Variants in SUMF1 observed in about 807,000 individuals in gnomAD.
SUMF1 encodes the protein sulfatase modifying factor 1.
In SUMF1, 48 loss-of-function variants were observed where a neutral mutation model predicts 47.6. The observed-to-expected ratio is 1.01, with a 90% CI of 0.80 to 1.28. The LOEUF (loss-of-function observed/expected upper bound fraction) is 1.28. SUMF1 is among the 50% of genes most tolerant of loss of function. The pLI is 0.00. For synonymous variants in SUMF1, 230 were observed against 192.1 expected, an observed-to-expected ratio of 1.20 and a Z score of -1.63; for missense variants, 571 against 485.4, an observed-to-expected ratio of 1.18 and a Z score of -1.66.
intron 8 of SUMF1, among the ~76,000 whole-genome samples, chr3:4,350,744 G>T (rs554087400): frequency 6.6e-6 from 1 of 151,978 alleles, no homozygotes; most frequent in Non-Finnish European, 1.5e-5. Flanking sequence ...ACCTCTGCAG[G>T]TCACATTCTC....
intron 8 of SUMF1, among the ~76,000 whole-genome samples, chr3:4,363,415 G>C (rs1479563831): frequency 2.0e-5 from 3 of 151,970 alleles, no homozygotes; most frequent in African/African-American, 4.8e-5. Context: ...GTGGTTTGTA[G>C]TTCTCCTTGA....
chr3:4,201,010 G>T (rs947647407), intron 8 of SUMF1, among the ~76,000 whole-genome samples: 1 of 151,768 alleles, frequency 6.6e-6, no homozygotes, highest in Admixed American at 6.6e-5. Context: ...TTTTTTATAG[G>T]TACCTAGTAA....
At chr3:4,346,802 A>AAG (rs1365814623) in intron 8 of SUMF1, among the ~76,000 whole-genome samples, 2 of 151,950 alleles carry the variant, frequency 1.3e-5, no homozygotes, top group South Asian at 4.2e-4. Context: ...AATAAAGAAG[A>AAG]AGAGAGAGAA....
chr3:4,363,945 T>C (rs1699860229), intron 8 of SUMF1, among the ~76,000 whole-genome samples: 1 of 145,790 alleles, frequency 6.9e-6, no homozygotes, highest in Admixed American at 7.0e-5. Context: ...GGTTGTTGAA[T>C]TGTGTCAAAG....
intron 8 of SUMF1, among the ~76,000 whole-genome samples, chr3:4,336,739 A>G (rs1179828405): frequency 6.6e-6 from 1 of 152,238 alleles, no homozygotes; most frequent in Non-Finnish European, 1.5e-5. Context: ...ATGATCAAAG[A>G]TAATTCAATT....
chr3:4,285,321 C>A (rs978375573), intron 8 of SUMF1, among the ~76,000 whole-genome samples: 3 of 152,078 alleles, frequency 2.0e-5, no homozygotes, highest in Admixed American at 2.0e-4. Context: ...CTTTACAAAG[C>A]ACTTTTCTGA....
intron 8 of SUMF1, among the ~76,000 whole-genome samples, chr3:4,295,041 T>C (rs1229775354): frequency 6.6e-6 from 1 of 152,218 alleles, no homozygotes; most frequent in Non-Finnish European, 1.5e-5. Flanking sequence ...AAACTTTTCC[T>C]GGTTGAAATA....
chr3:4,255,680 C>G (rs1024211859), intron 8 of SUMF1, among the ~76,000 whole-genome samples: 3 of 139,208 alleles, frequency 2.2e-5, no homozygotes, highest in African/African-American at 8.4e-5. Context: ...ACTTTAACAC[C>G]CCATTGTCAA....
At chr3:4,385,839 T>C (rs1298749380) in intron 7 of SUMF1, among the ~76,000 whole-genome samples, 1 of 152,242 alleles carries the variant, frequency 6.6e-6, no homozygotes, top group African/African-American at 2.4e-5. Flanking sequence ...GTTCATTTTC[T>C]GCCCACGGAT....
intron 9 of SUMF1, among the ~76,000 whole-genome samples, chr3:4,036,615 A>AG (rs1408278309): frequency 3.3e-4 from 5 of 15,294 alleles, no homozygotes; most frequent in Non-Finnish European, 9.2e-4. Context: ...AAATGAATCC[A>AG]TTAAAAAAAA....
intron 1 of SUMF1, among the ~76,000 whole-genome samples, 183 bp from the exon 2 acceptor site, chr3:4,453,232 G>C (rs749532426): frequency 1.3e-5 from 2 of 152,188 alleles, no homozygotes; most frequent in Non-Finnish European, 2.9e-5. Context: ...TCAAAAAGAA[G>C]TGAAAATTCT....
At chr3:4,083,839 CAAA>C (rs68132287) in intron 8 of SUMF1, among the ~76,000 whole-genome samples, 3 of 95,914 alleles carry the variant, frequency 3.1e-5, no homozygotes, top group South Asian at 3.0e-4. Context: ...ACAGGCATGT[CAAA>C]AAAAAAAAAA....
chr3:4,303,812 C>G (rs1559211192), intron 8 of SUMF1: 1 of 1,389,134 alleles, frequency 7.2e-7, no homozygotes, highest in Admixed American at 2.2e-5. Flanking sequence ...CCTCAGAACT[C>G]AAGGAGGCAT....
intron 9 of SUMF1, among the ~76,000 whole-genome samples, chr3:4,046,431 T>C (rs138962776): frequency 6.6e-6 from 1 of 152,318 alleles, no homozygotes; most frequent in African/African-American, 2.4e-5. Flanking sequence ...GGGATAAAGA[T>C]GGAAGTTTCC....
At chr3:4,078,605 G>A (rs61240209) in intron 8 of SUMF1, among the ~76,000 whole-genome samples, 8,508 of 151,950 alleles carry the variant, frequency 0.056, 602 homozygotes, top group East Asian at 0.19. Context: ...TTTAATCCAT[G>A]TAACAGGCCC....
At chr3:4,065,472 A>G (rs1418507498) in intron 9 of SUMF1, among the ~76,000 whole-genome samples, 1 of 152,148 alleles carries the variant, frequency 6.6e-6, no homozygotes, top group African/African-American at 2.4e-5. Context: ...GGCAAGACAA[A>G]CAGAACCGTA....
At chr3:4,264,646 T>C (rs561889032) in intron 8 of SUMF1, among the ~76,000 whole-genome samples, 18 of 152,272 alleles carry the variant, frequency 1.2e-4, no homozygotes, top group African/African-American at 4.1e-4. Context: ...CCATTTAGGT[T>C]TTCCATCAAG....
intron 8 of SUMF1, among the ~76,000 whole-genome samples, chr3:4,324,229 AAT>A (rs1490160140): frequency 6.6e-6 from 1 of 151,572 alleles, no homozygotes; most frequent in Non-Finnish European, 1.5e-5. Context: ...TTAAAAAAAA[AAT>A]GTCAAAGACC....
At chr3:4,306,169 C>G (rs1352560100) in intron 8 of SUMF1, among the ~76,000 whole-genome samples, 3 of 152,174 alleles carry the variant, frequency 2.0e-5, no homozygotes, top group African/African-American at 7.2e-5. Context: ...TGAGACTATT[C>G]TATAAATCTG....
Sources: allele counts gnomAD v4.1 joint callset (sites outside exome capture counted in the v4.1 genomes callset), GRCh38; gene constraint gnomAD v4.1.1; transcripts MANE v1.5; gene names NCBI Gene and HGNC (gene_info 2026-07-23, HGNC 2026-07-21).